Variants in MFHAS1 observed in about 807,000 individuals in gnomAD.
The protein encoded by MFHAS1 is malignant fibrous histiocytoma-amplified sequence 1.
In MFHAS1, 50 loss-of-function variants were observed where a neutral mutation model predicts 70.4. That is an observed-to-expected ratio of 0.71 (90% CI 0.57 to 0.90). MFHAS1 has a LOEUF of 0.90. Among genes scored for constraint, MFHAS1 ranks in the 40% least tolerant of loss-of-function variants. The pLI, the probability that MFHAS1 is intolerant of heterozygous loss-of-function variation, is 0.00. For missense variants in MFHAS1, 1,795 were observed against 1,347.6 expected (o/e 1.33, Z -5.20); for synonymous variants, 952 against 620.0 (o/e 1.54, Z -7.96).
chr8:8,788,593 T>C (rs553645356), intron 2 of MFHAS1, among the ~76,000 whole-genome samples: 18 of 152,252 alleles, frequency 1.2e-4, no homozygotes, highest in African/African-American at 3.9e-4. Flanking sequence ...GCAGGATAAT[T>C]GCTTGAACCC....
intron 1 of MFHAS1, among the ~76,000 whole-genome samples, chr8:8,883,986 C>T (rs952994002): frequency 6.7e-6 from 1 of 148,782 alleles, no homozygotes; most frequent in Non-Finnish European, 1.5e-5. Flanking sequence ...CCATTTGAGG[C>T]CAGGAGATCA....
chr8:8,833,768 T>C (rs4840370), intron 1 of MFHAS1, among the ~76,000 whole-genome samples: 4 of 152,016 alleles, frequency 2.6e-5, no homozygotes, highest in African/African-American at 9.7e-5. Context: ...AGTGACTTTA[T>C]TCACATTGCC....
intron 2 of MFHAS1, chr8:8,790,443 A>C: frequency 1.1e-6 from 1 of 915,196 alleles, no homozygotes; most frequent in Non-Finnish European, 1.3e-6. Context: ...ACCTAAGCAG[A>C]GAGGGAAAAA....
chr8:8,806,947 C>T (rs1028362516), intron 1 of MFHAS1, among the ~76,000 whole-genome samples: 1 of 151,738 alleles, frequency 6.6e-6, no homozygotes, highest in Non-Finnish European at 1.5e-5. Flanking sequence ...GGGGACACAG[C>T]CAGACTCTGT....
At chr8:8,799,086 G>A (rs1255550241) in intron 1 of MFHAS1, among the ~76,000 whole-genome samples, 7 of 151,600 alleles carry the variant, frequency 4.6e-5, no homozygotes, top group African/African-American at 1.7e-4. Context: ...AAATTCTAGA[G>A]ACTCCAAAGA....
chr8:8,889,530 T>A (rs1006334457), intron 1 of MFHAS1, among the ~76,000 whole-genome samples: 3 of 152,258 alleles, frequency 2.0e-5, no homozygotes, highest in Non-Finnish European at 4.4e-5. Context: ...CATTTTACAA[T>A]CTGATTTCTA....
chr8:8,884,584 G>A (rs1239283800), intron 1 of MFHAS1, among the ~76,000 whole-genome samples: 2 of 152,182 alleles, frequency 1.3e-5, no homozygotes, highest in Admixed American at 6.5e-5. Context: ...CTGTGAGGGG[G>A]AGGGAGTTGG....
chr8:8,875,694 G>C (rs1307892594), intron 1 of MFHAS1, among the ~76,000 whole-genome samples: 1 of 152,082 alleles, frequency 6.6e-6, no homozygotes, highest in Non-Finnish European at 1.5e-5. Context: ...GGGTTCAAGC[G>C]ATTCTCCTGC....
chr8:8,841,997 G>T (rs1379111372), intron 1 of MFHAS1, among the ~76,000 whole-genome samples: 2 of 152,170 alleles, frequency 1.3e-5, no homozygotes, highest in Non-Finnish European at 2.9e-5. Context: ...AATAATCAGA[G>T]CCGGTGTTTC....
At chr8:8,842,281 G>A (rs1212876288) in intron 1 of MFHAS1, among the ~76,000 whole-genome samples, 1 of 152,066 alleles carries the variant, frequency 6.6e-6, no homozygotes, top group Non-Finnish European at 1.5e-5. Flanking sequence ...TGCCTCCCAG[G>A]TTCAAGCGAT....
At position 8,789,309 on chromosome 8, in the gene MFHAS1, G is replaced by C. The variant is rs553726363; in HGVS notation, c.3126-3254C>G. ...TACGGACTCCTAGCTTGGAGCCGAT[G>C]GTACAAAGCTACGCTGTTACCCAAG... On this transcript the variant is annotated intron_variant, in intron 2 of 2. Coordinates refer to ENST00000276282, the MANE Select transcript of MFHAS1 (RefSeq NM_004225.3). Among the ~76,000 whole-genome samples, 34 of 152,332 alleles carry C rather than the reference G, an allele frequency of 2.2e-4. 1 individual carries two copies. The highest frequency in any genetic ancestry group is 2.2e-3 in the Admixed American group (33 of 15,308).
chr8:8,800,312 T>G (rs370653333), intron 1 of MFHAS1, among the ~76,000 whole-genome samples: 1 of 152,184 alleles, frequency 6.6e-6, no homozygotes, highest in African/African-American at 2.4e-5. Flanking sequence ...ATATCAAAAA[T>G]GCACTTCAAA....
intron 1 of MFHAS1, among the ~76,000 whole-genome samples, chr8:8,872,923 C>G (rs989968147): frequency 1.3e-5 from 2 of 152,182 alleles, no homozygotes; most frequent in African/African-American, 2.4e-5. Flanking sequence ...CCATCCCAGA[C>G]AGGCAGCAGA....
chr8:8,892,211 T>C lies in MFHAS1; in HGVS notation c.848A>G (p.Asn283Ser), dbSNP rs1810086675. ...QRLKMLNLSS[N>S]LFEEFPAALL... is the part of the protein sequence containing the mutation. ...CGCGGCAGGGAACTCCTCGAAGAGG[T>C]TGGAGGAGAGGTTGAGCATTTTGAG... Residue 283 changes from asparagine (N) to serine (S), a missense_variant, in exon 1 of 3, where the codon AAC becomes AGC. Asn to Ser is a conservative substitution (Grantham distance 46, BLOSUM62 1). Coordinates refer to ENST00000276282, the MANE Select transcript of MFHAS1 (RefSeq NM_004225.3). This position sits in a 1 kb window ranked among gnomAD's most constrained non-coding sequence, Gnocchi z 4.7. 4 of 1,609,520 alleles carry C rather than the reference T, an allele frequency of 2.5e-6. No homozygotes were observed. Among genetic ancestry groups the C allele is most frequent in the East Asian group, 2.2e-5 (1 of 44,830 alleles).
chr8:8,880,354 T>C (rs1261286759), intron 1 of MFHAS1, among the ~76,000 whole-genome samples: 1 of 152,190 alleles, frequency 6.6e-6, no homozygotes, highest in Admixed American at 6.5e-5. Context: ...ACTGGGAATG[T>C]ACTAAATGAC....
chr8:8,820,569 T>C (rs899464004), intron 1 of MFHAS1, among the ~76,000 whole-genome samples: 4 of 152,184 alleles, frequency 2.6e-5, no homozygotes, highest in African/African-American at 9.6e-5. Flanking sequence ...AGTAGACTAA[T>C]ATCATGAATT....
chr8:8,785,593 T>G lies in MFHAS1; in HGVS notation c.*429A>C, dbSNP rs1414617715. ...AGATAAACATATACATATTTTACAC[T>G]AGTTATGGAACAGCAATGAACGTCA... On this transcript the variant is annotated 3_prime_UTR_variant, in exon 3 of 3. Coordinates refer to ENST00000276282, the MANE Select transcript of MFHAS1 (RefSeq NM_004225.3). 3 of 165,832 alleles carry G rather than the reference T, an allele frequency of 1.8e-5. No homozygotes were observed. Among genetic ancestry groups the G allele is most frequent in the Non-Finnish European group, 3.9e-5 (3 of 76,058 alleles). 10.3% of individuals were successfully genotyped at this position (165,832 alleles called of 1,614,324 possible). A position where few individuals can be genotyped will look rare whatever the true frequency, so the allele number is the denominator to read the frequency against.
chr8:8,857,096 T>C (rs1167149506), intron 1 of MFHAS1, among the ~76,000 whole-genome samples: 4 of 151,008 alleles, frequency 2.6e-5, no homozygotes, highest in Admixed American at 6.6e-5. Flanking sequence ...CACTGCCAAA[T>C]TCTAAAAAGA....
At chr8:8,852,239 C>T (rs1808273745) in intron 1 of MFHAS1, among the ~76,000 whole-genome samples, 1 of 152,100 alleles carries the variant, frequency 6.6e-6, no homozygotes, top group African/African-American at 2.4e-5. Flanking sequence ...TTTGGGAAGC[C>T]GAGGCGGGCA....
Sources: allele counts gnomAD v4.1 joint callset (sites outside exome capture counted in the v4.1 genomes callset), GRCh38; gene constraint gnomAD v4.1.1; non-coding constraint Gnocchi (gnomAD v3.1); transcripts MANE v1.5; gene names NCBI Gene and HGNC (gene_info 2026-07-23, HGNC 2026-07-21).